The following DHX40 variants were observed in gnomAD, a reference collection of about 807,000 sequenced individuals.
The protein encoded by DHX40 is probable ATP-dependent RNA helicase DHX40.
In DHX40, 28 loss-of-function variants were observed where a neutral mutation model predicts 89.6. The observed-to-expected ratio is 0.31, with a 90% CI of 0.23 to 0.43. DHX40 has a LOEUF of 0.43. Among genes scored for constraint, DHX40 ranks in the 20% least tolerant of loss-of-function variants. The pLI, the probability that DHX40 is intolerant of heterozygous loss-of-function variation, is 1.00. For missense variants in DHX40, 457 were observed against 844.0 expected, an observed-to-expected ratio of 0.54 and a Z score of 5.68; for synonymous variants, 226 against 283.6, an observed-to-expected ratio of 0.80 and a Z score of 2.04.
intron 12 of DHX40, among the ~76,000 whole-genome samples, chr17:59,597,930 G>T (rs868030239): frequency 7.4e-6 from 1 of 135,468 alleles, no homozygotes; most frequent in East Asian, 2.3e-4. Flanking sequence ...GCGAGACTCC[G>T]TCTCAAAAAA....
intron 11 of DHX40, among the ~76,000 whole-genome samples, chr17:59,587,184 A>G (rs1485182851): frequency 4.0e-5 from 6 of 151,138 alleles, no homozygotes; most frequent in African/African-American, 1.5e-4. Context: ...AAAATTGAAA[A>G]AATAAAATTA....
chr17:59,602,754 G>A, intron 15 of DHX40, 138 bp downstream of exon 15: 2 of 762,060 alleles, frequency 2.6e-6, no homozygotes, highest in Non-Finnish European at 2.0e-6. Context: ...TGACGAGGGA[G>A]AGCTACAGTG....
Position 59,605,445 on chromosome 17 carries a change from G to A in DHX40, c.1972-1G>A. On this transcript the variant is annotated splice_acceptor_variant, in intron 16 of 17. Coordinates refer to ENST00000251241, the MANE Select transcript of DHX40 (RefSeq NM_024612.5). LOFTEE classifies it high-confidence loss of function. The stretch of plus-strand genomic sequence containing the variant: ...ATCATTAAAAGAAATGTTTTGTATA[G>A]CTTCATGAACAGGAAACCAAACTTG... 1 of 1,610,726 alleles carries A rather than the reference G, an allele frequency of 6.2e-7. No homozygotes were observed. Among genetic ancestry groups the A allele is most frequent in the Non-Finnish European group, 8.5e-7 (1 of 1,177,310 alleles).
chr17:59,596,891 C>T (rs1235507778), intron 12 of DHX40, among the ~76,000 whole-genome samples: 2 of 151,892 alleles, frequency 1.3e-5, no homozygotes, highest in South Asian at 2.1e-4. Context: ...TCCCTGGATT[C>T]AGGCAACATT....
intron 12 of DHX40, among the ~76,000 whole-genome samples, chr17:59,590,580 A>G (rs1311336660): frequency 1.3e-5 from 2 of 151,442 alleles, no homozygotes; most frequent in Non-Finnish European, 2.9e-5. Flanking sequence ...TGATCCTCCC[A>G]TACCTCAGCC....
rs945883585 is a variant in DHX40, at chr17:59,586,083, G to A, written c.1344-70G>A. On this transcript the variant is annotated intron_variant, in intron 10 of 17. Transcript: ENST00000251241. ...AATAAAACCTTTTAAAGAAATTTTC[G>A]TCATGTCTATATAAAATCCTACCAT... The A allele has an allele frequency of 5.6e-5, 63 of 1,123,488 alleles. No homozygotes were observed. The African/African-American group carries it at 5.9e-4, about 10-fold the overall frequency. 69.6% of individuals were successfully genotyped at this position (1,123,488 alleles called of 1,614,324 possible).
chr17:59,566,593 G>A, intron 1 of DHX40, 34 bp from the exon 2 acceptor site: 1 of 1,548,062 alleles, frequency 6.5e-7, no homozygotes, highest in Non-Finnish European at 8.7e-7. Context: ...ATCTTTACAA[G>A]TCTTTTAATT....
At chr17:59,594,844 G>A (rs1351213815) in intron 12 of DHX40, among the ~76,000 whole-genome samples, 1 of 151,706 alleles carries the variant, frequency 6.6e-6, no homozygotes, top group Non-Finnish European at 1.5e-5. Context: ...CACAGCTGTT[G>A]AGAGTGGGGC....
At chr17:59,581,014 A>G (rs1428246930) in intron 10 of DHX40, among the ~76,000 whole-genome samples, 1 of 150,466 alleles carries the variant, frequency 6.6e-6, no homozygotes, top group East Asian at 1.9e-4. Flanking sequence ...CCCAGGAGGC[A>G]GAGACTGCAA....
chr17:59,600,260 G>A (rs572680376), intron 14 of DHX40, among the ~76,000 whole-genome samples: 3 of 151,952 alleles, frequency 2.0e-5, no homozygotes, highest in African/African-American at 7.2e-5. Context: ...GAAACTGTGA[G>A]TTTAAGCAAA....
chr17:59,600,095 A>T (rs2030394618), intron 14 of DHX40, among the ~76,000 whole-genome samples: 1 of 152,144 alleles, frequency 6.6e-6, no homozygotes, highest in Non-Finnish European at 1.5e-5. Flanking sequence ...AAGTGCTGGA[A>T]TTACAGGCAT....
At chr17:59,585,615 C>G (rs1481392084) in intron 10 of DHX40, among the ~76,000 whole-genome samples, 1 of 149,044 alleles carries the variant, frequency 6.7e-6, no homozygotes, top group Non-Finnish European at 1.5e-5. Flanking sequence ...CCCAGCTACT[C>G]GGGAGGCTGA....
rs1057144013 is a variant in DHX40 at position 59,607,023 on chromosome 17, A to C, written c.2201-10A>C. 7 of 1,608,476 alleles carry C rather than the reference A, an allele frequency of 4.4e-6. No individual in the cohort carries two copies. Among genetic ancestry groups the C allele is most frequent in the Non-Finnish European group, 5.9e-6 (7 of 1,176,646 alleles). On this transcript the variant is annotated splice_polypyrimidine_tract_variant and intron_variant, in intron 17 of 17. Transcript: ENST00000251241. The stretch of plus-strand genomic sequence containing the variant: ...CTAAGTTTTATTGGATTAATTTGTA[A>C]TGTTTTCAGATGGAATATCGAAAGA...
At chr17:59,606,764 A>G (rs553612806) in intron 17 of DHX40, among the ~76,000 whole-genome samples, 1 of 151,194 alleles carries the variant, frequency 6.6e-6, no homozygotes, top group Admixed American at 6.6e-5. Context: ...AAAAAAAAAG[A>G]AAAGAAATCT....
chr17:59,599,858 CTG>C (rs1019659289), intron 14 of DHX40, among the ~76,000 whole-genome samples: 19 of 149,066 alleles, frequency 1.3e-4, no homozygotes, highest in Non-Finnish European at 2.4e-4. Flanking sequence ...GAGTCTCACT[CTG>C]TCACCCAGGC....
intron 11 of DHX40, among the ~76,000 whole-genome samples, chr17:59,586,758 T>C (rs2049003412): frequency 6.6e-6 from 1 of 152,118 alleles, no homozygotes; most frequent in Non-Finnish European, 1.5e-5. Flanking sequence ...TGAGTACCAT[T>C]TCAGTGCTAA....
chr17:59,592,198 A>G (rs1409674377), intron 12 of DHX40, among the ~76,000 whole-genome samples: 1 of 151,798 alleles, frequency 6.6e-6, no homozygotes, highest in African/African-American at 2.4e-5. Flanking sequence ...ACTTTGATAC[A>G]ATATTATTAT....
chr17:59,566,892 C>A, intron 2 of DHX40, 98 bp downstream of exon 2: 1 of 1,074,078 alleles, frequency 9.3e-7, no homozygotes, highest in Non-Finnish European at 1.3e-6. Context: ...CCAGTATTTG[C>A]TTTATAGTCC....
chr17:59,573,317 C>G lies in DHX40; in HGVS notation c.546+82C>G, dbSNP rs2048836507. ...TTTTTATTGTGTAGAGAATTGCCTCCTCTTACTTTTTAATTTAATTTAATT... is the reference window on the plus strand; with the variant it reads ...TTTTTATTGTGTAGAGAATTGCCTCGTCTTACTTTTTAATTTAATTTAATT... On this transcript the variant is annotated intron_variant, in intron 4 of 17. Transcript: ENST00000251241. 5 of 1,192,178 alleles carry G rather than the reference C, an allele frequency of 4.2e-6. No individual in the cohort carries two copies. The South Asian group carries it at 5.0e-5, about 12-fold the overall frequency. 73.8% of individuals were successfully genotyped at this position (1,192,178 alleles called of 1,614,324 possible).
Sources: gnomAD v4.1 joint callset for allele counts (sites outside exome capture counted in the v4.1 genomes callset) on GRCh38, gnomAD v4.1.1 for gene constraint, MANE v1.5 for transcripts, NCBI Gene and HGNC (gene_info 2026-07-23, HGNC 2026-07-21) for gene names.